The following TDP1 variants were observed in gnomAD, a reference collection of about 807,000 sequenced individuals.
The protein encoded by TDP1 is tyrosyl-DNA phosphodiesterase 1.
A neutral mutation model predicts 81.5 loss-of-function variants in TDP1; 64 were observed. The observed-to-expected ratio is 0.79, with a 90% CI of 0.64 to 0.97. The LOEUF is 0.97. TDP1 is among the 50% of genes least tolerant of loss of function. The probability of loss-of-function intolerance (pLI) is 0.00; values close to 1 mark genes in which losing one functional copy is unlikely to be tolerated. For synonymous variants in TDP1, 256 were observed against 264.3 expected, an observed-to-expected ratio of 0.97 and a Z score of 0.30; for missense variants, 723 against 743.8, an observed-to-expected ratio of 0.97 and a Z score of 0.33.
At chr14:90,022,178 G>C (rs1465990168) in intron 15 of TDP1, among the ~76,000 whole-genome samples, 2 of 152,192 alleles carry the variant, frequency 1.3e-5, no homozygotes, top group African/African-American at 4.8e-5. Flanking sequence ...TCCTTCCTGG[G>C]TGAGAGCTGG....
intron 5 of TDP1, 38 bp downstream of exon 5, chr14:89,967,460 T>G: frequency 6.4e-7 from 1 of 1,565,262 alleles, no homozygotes; most frequent in Non-Finnish European, 8.8e-7. Flanking sequence ...CTATAAACTG[T>G]AAAGGGGCTT....
intron 10 of TDP1, among the ~76,000 whole-genome samples, chr14:89,986,561 A>T (rs941055144): frequency 6.6e-6 from 1 of 152,226 alleles, no homozygotes; most frequent in African/African-American, 2.4e-5. Flanking sequence ...AGAGTTTTCA[A>T]ACCACTTTTT....
In TDP1 at chr14:89,993,452, T is replaced by G; in HGVS notation, c.1510T>G (p.Phe504Val). The stretch of plus-strand genomic sequence containing the variant: ...GACATATATGAGGCCTTCTCCAGAC[T>G]TCAGTAAAATTGCTTGGTTCCTTGT... ...IKTYMRPSPD[F>V]SKIAWFLVTS... Residue 504 changes from phenylalanine (F) to valine (V), a missense_variant, in exon 14 of 17, where the codon TTC becomes GTC. Transcript: ENST00000335725. 2 of 1,613,854 alleles carry G rather than the reference T, an allele frequency of 1.2e-6. No homozygotes were observed.
At chr14:90,023,458 T>C (rs1886319181) in intron 15 of TDP1, among the ~76,000 whole-genome samples, 1 of 152,200 alleles carries the variant, frequency 6.6e-6, no homozygotes, top group Non-Finnish European at 1.5e-5. Flanking sequence ...TAGAAAGGCA[T>C]CAGTTTTTTA....
At chr14:89,981,490 G>C (rs1458637632) in intron 8 of TDP1, 1 of 454,424 alleles carries the variant, frequency 2.2e-6, no homozygotes, top group East Asian at 7.0e-5. Context: ...GCCTGTGCTA[G>C]AGAAGAGCTG....
intron 16 of TDP1, among the ~76,000 whole-genome samples, chr14:90,038,236 A>C (rs1433165616): frequency 6.6e-6 from 1 of 152,218 alleles, no homozygotes; most frequent in Non-Finnish European, 1.5e-5. Flanking sequence ...CTGCAAATGT[A>C]GTTAATAGAA....
intron 7 of TDP1, among the ~76,000 whole-genome samples, chr14:89,976,525 C>CCCTT (rs1440225563): frequency 7.4e-6 from 1 of 135,534 alleles, no homozygotes; most frequent in African/African-American, 3.0e-5. Context: ...CTCAACAGAG[C>CCCTT]TCTTTTTTTT....
At position 89,956,662 on chromosome 14, in the gene TDP1, C is replaced by T; in HGVS notation, c.-146C>T. ...CCTGTCATCCTAGCACTTTGGGAGG[C>T]CGAGGCGGCTGAATCACTTGAGGTT... On this transcript the variant is annotated 5_prime_UTR_variant, in exon 2 of 17. Transcript: ENST00000335725. 1 of 152,428 alleles carries T rather than the reference C, an allele frequency of 6.6e-6. No homozygotes were observed. The highest frequency in any genetic ancestry group is 1.5e-5 in the Non-Finnish European group (1 of 68,124). 9.4% of individuals were successfully genotyped at this position (152,428 alleles called of 1,614,324 possible).
At chr14:89,959,133 C>T (rs1892030182) in intron 2 of TDP1, among the ~76,000 whole-genome samples, 1 of 152,218 alleles carries the variant, frequency 6.6e-6, no homozygotes, top group Non-Finnish European at 1.5e-5. Flanking sequence ...TCAGGAAACA[C>T]TGTGCCGTTC....
At chr14:89,992,377 C>T in intron 13 of TDP1, among the ~76,000 whole-genome samples, 1 of 152,174 alleles carries the variant, frequency 6.6e-6, no homozygotes, top group East Asian at 1.9e-4. Flanking sequence ...GCTGCCGTTT[C>T]CTGAGGATAC....
At chr14:89,955,261 A>G (rs1387091379), upstream of TDP1, 1 of 152,380 alleles carries the variant, frequency 6.6e-6, no homozygotes, top group Non-Finnish European at 1.5e-5. Context: ...TAGATCTTCA[A>G]TGAAAGAACG....
At chr14:90,020,318 A>G (rs901642188) in intron 15 of TDP1, among the ~76,000 whole-genome samples, 1 of 149,356 alleles carries the variant, frequency 6.7e-6, no homozygotes, top group Non-Finnish European at 1.5e-5. Flanking sequence ...CGCCCACACA[A>G]TGAGATGGCT....
intron 14 of TDP1, among the ~76,000 whole-genome samples, chr14:90,014,768 A>G (rs1030791131): frequency 5.9e-5 from 9 of 152,228 alleles, no homozygotes; most frequent in African/African-American, 2.2e-4. Flanking sequence ...AAAACTTAAA[A>G]GTGAATCTAA....
intron 16 of TDP1, chr14:90,033,472 T>C (rs1364242327): frequency 2.0e-6 from 1 of 504,038 alleles, no homozygotes; most frequent in Middle Eastern, 5.5e-4. Flanking sequence ...CCCTCATGAA[T>C]TGAAAATATC....
rs745900078 is a variant in TDP1 at position 89,963,278 on chromosome 14, C to T, written c.164C>T (p.Ala55Val). The T allele has an allele frequency of 3.1e-6, 5 of 1,614,162 alleles. No homozygotes were observed. The South Asian group carries it at 5.5e-5, about 18-fold the overall frequency. Residue 55 changes from alanine (A) to valine (V), a missense_variant, in exon 3 of 17, where the codon GCA becomes GTA. Transcript: ENST00000335725. ...ACCTGTTCCGAGGCCCAGAAAGCTG[C>T]ACACAAGAGGAAAATATCACCTGTG... ...RYTCSEAQKA[A>V]HKRKISPVKF...
intron 5 of TDP1, chr14:89,970,873 C>G (rs1893546996): frequency 9.2e-6 from 5 of 542,358 alleles, no homozygotes; most frequent in Non-Finnish European, 9.4e-6. Flanking sequence ...GAGTCTTGCT[C>G]TGGCACCCAG....
In TDP1 at chr14:90,030,500, C is replaced by T. The variant is rs527352871; in HGVS notation, c.1645-2606C>T. On this transcript the variant is annotated intron_variant, in intron 15 of 16. Transcript: ENST00000335725. ...TCTAGAGTTTGTGCCTGGCATCTGC[C>T]ACCTCCTGCCTTTCACTGTATTACT... Among the ~76,000 whole-genome samples, 107 of 152,306 alleles carry T rather than the reference C, an allele frequency of 7.0e-4. 1 individual carries two copies. In the South Asian group the frequency reaches 0.019, roughly 27 times the overall value.
At chr14:89,979,561 A>G (rs1036529663) in intron 7 of TDP1, among the ~76,000 whole-genome samples, 1 of 152,136 alleles carries the variant, frequency 6.6e-6, no homozygotes, top group Non-Finnish European at 1.5e-5. Flanking sequence ...TGCCAGCCTC[A>G]GCCTCCCAAA....
chr14:90,024,387 G>T (rs1886420724), intron 15 of TDP1, among the ~76,000 whole-genome samples: 1 of 152,142 alleles, frequency 6.6e-6, no homozygotes, highest in Non-Finnish European at 1.5e-5. Context: ...AGAACCTGGG[G>T]CTCAGCACAT....
Sources: allele counts gnomAD v4.1 joint callset (sites outside exome capture counted in the v4.1 genomes callset), GRCh38; gene constraint gnomAD v4.1.1; transcripts MANE v1.5; gene names NCBI Gene and HGNC (gene_info 2026-07-23, HGNC 2026-07-21).